POU2AF1: variants seen among roughly 807,000 people sequenced by gnomAD.
POU2AF1 encodes the protein POU class 2 homeobox associating factor 1, also known as POU domain class 2-associating factor 1.
Under a neutral mutation model 26.3 loss-of-function variants are expected in POU2AF1, and 12 were observed. The ratio of observed to expected loss-of-function variants is 0.46; its 90% CI spans 0.29 to 0.74. The LOEUF (loss-of-function observed/expected upper bound fraction) is 0.74. POU2AF1 is among the 30% of genes least tolerant of loss of function. The probability of loss-of-function intolerance (pLI) is 0.09; values close to 1 mark genes in which losing one functional copy is unlikely to be tolerated. For synonymous variants in POU2AF1, 175 were observed against 148.0 expected (o/e 1.18, Z -1.32); for missense variants, 297 against 334.5 (o/e 0.89, Z 0.87).
At chr11:111,373,916 T>C (rs1292059520) in intron 1 of POU2AF1, among the ~76,000 whole-genome samples, 1 of 152,202 alleles carries the variant, frequency 6.6e-6, no homozygotes, top group Non-Finnish European at 1.5e-5. Context: ...ATGTTCATAA[T>C]CAATTAGCCA....
At chr11:111,377,184 C>T (rs1861324127) in intron 1 of POU2AF1, among the ~76,000 whole-genome samples, 1 of 143,430 alleles carries the variant, frequency 7.0e-6, no homozygotes, top group Admixed American at 7.1e-5. Flanking sequence ...CCAGGCTGAA[C>T]AACATAGTAA....
At chr11:111,354,682 C>T in intron 4 of POU2AF1, 107 bp from the exon 5 acceptor site, 1 of 1,038,246 alleles carries the variant, frequency 9.6e-7, no homozygotes, top group Non-Finnish European at 1.3e-6. Flanking sequence ...CTGCCCTTTC[C>T]TGGTTTCTCA....
intron 1 of POU2AF1, among the ~76,000 whole-genome samples, chr11:111,370,333 C>T (rs1270977196): frequency 6.6e-6 from 1 of 152,210 alleles, no homozygotes; most frequent in Non-Finnish European, 1.5e-5. Context: ...TTTACCTCCT[C>T]TTTATTCACA....
At chr11:111,377,269 A>G (rs2135143441) in intron 1 of POU2AF1, among the ~76,000 whole-genome samples, 1 of 151,724 alleles carries the variant, frequency 6.6e-6, no homozygotes, top group Admixed American at 6.6e-5. Context: ...AGTCCCAGCT[A>G]CTAGGGAGGG....
At chr11:111,359,847 G>T (rs543600989) in intron 1 of POU2AF1, 11 of 469,986 alleles carry the variant, frequency 2.3e-5, no homozygotes, top group African/African-American at 2.2e-4. Flanking sequence ...TTGATTAATC[G>T]ATTGGGTGAT....
At chr11:111,367,019 G>A (rs942740877) in intron 1 of POU2AF1, among the ~76,000 whole-genome samples, 1 of 152,188 alleles carries the variant, frequency 6.6e-6, no homozygotes, top group African/African-American at 2.4e-5. Context: ...TACTTGGATT[G>A]TCCCTAAACT....
At chr11:111,370,379 G>T (rs1331673321) in intron 1 of POU2AF1, among the ~76,000 whole-genome samples, 1 of 152,190 alleles carries the variant, frequency 6.6e-6, no homozygotes, top group Non-Finnish European at 1.5e-5. Context: ...AGTCTTCACA[G>T]CTTCAGAGCT....
chr11:111,369,210 C>G (rs931623531), intron 1 of POU2AF1, among the ~76,000 whole-genome samples: 1 of 152,150 alleles, frequency 6.6e-6, no homozygotes, highest in Non-Finnish European at 1.5e-5. Flanking sequence ...ACAGGAGACG[C>G]CAAACCCTGG....
chr11:111,367,554 G>T (rs1861128108), intron 1 of POU2AF1, among the ~76,000 whole-genome samples: 1 of 152,106 alleles, frequency 6.6e-6, no homozygotes. Context: ...CTCCACTTCT[G>T]CCTCACTGCC....
chr11:111,360,363 A>G (rs779413074), intron 1 of POU2AF1, among the ~76,000 whole-genome samples: 1 of 152,200 alleles, frequency 6.6e-6, no homozygotes, highest in East Asian at 1.9e-4. Context: ...AACTTTGCTC[A>G]GTAAATACCC....
chr11:111,377,589 A>G lies in POU2AF1; in HGVS notation c.16+1573T>C, dbSNP rs566949496. On this transcript the variant is annotated intron_variant, in intron 1 of 4. Coordinates refer to ENST00000393067, the MANE Select transcript of POU2AF1 (RefSeq NM_006235.3). Reference sequence around the variant, plus strand: ...AGGATAGATCCTCAGTGTGGATATGATTTTTACCCCCACTTAACATACAAA... The same window carrying G: ...AGGATAGATCCTCAGTGTGGATATGGTTTTTACCCCCACTTAACATACAAA... 1.4e-4 allele frequency among the ~76,000 whole-genome samples: 21 copies of G among 152,286 alleles called. No individual in the cohort carries two copies. The South Asian group carries it at 4.4e-3, about 32-fold the overall frequency.
At position 111,368,254 on chromosome 11, in the gene POU2AF1, A is replaced by T. The variant is rs535491527; in HGVS notation, c.17-9336T>A. Among the ~76,000 whole-genome samples, 4 of 152,180 alleles carry T rather than the reference A, an allele frequency of 2.6e-5. No individual in the cohort carries two copies. The East Asian group carries it at 7.7e-4, about 29-fold the overall frequency. On this transcript the variant is annotated intron_variant, in intron 1 of 4. Coordinates refer to ENST00000393067, the MANE Select transcript of POU2AF1 (RefSeq NM_006235.3). ...AAACTGGGGCCCCAAGTCTGTAGAG[A>T]CTGTATAGAGGTGAGTGCAAGAGAT... is the stretch of plus-strand genomic sequence containing the variant.
intron 1 of POU2AF1, among the ~76,000 whole-genome samples, chr11:111,375,621 G>C (rs935795120): frequency 2.0e-5 from 3 of 151,880 alleles, no homozygotes; most frequent in African/African-American, 4.8e-5. Flanking sequence ...GGATGGTCTC[G>C]ATCTCCTGAC....
rs928875196 is a variant in POU2AF1, at chr11:111,353,105, C to T, written c.*1156G>A. ...ACTAAGCCTAGGCGAGGACCCATCA[C>T]CTTTAGGCTTAATGGGGTCTTGGCC... is the stretch of plus-strand genomic sequence containing the variant. On this transcript the variant is annotated 3_prime_UTR_variant, in exon 5 of 5. Coordinates refer to ENST00000393067, the MANE Select transcript of POU2AF1 (RefSeq NM_006235.3). 1.7e-5 allele frequency: 4 copies of T among 229,634 alleles called. No individual in the cohort carries two copies. Among genetic ancestry groups the T allele is most frequent in the African/African-American group, 8.9e-5 (4 of 45,044 alleles). 14.2% of individuals were successfully genotyped at this position (229,634 alleles called of 1,614,324 possible).
At chr11:111,370,495 G>A (rs1354546603) in intron 1 of POU2AF1, among the ~76,000 whole-genome samples, 2 of 152,176 alleles carry the variant, frequency 1.3e-5, no homozygotes, top group South Asian at 4.1e-4. Flanking sequence ...AGGTCAGGGG[G>A]ATCCAGCTGT....
intron 1 of POU2AF1, among the ~76,000 whole-genome samples, chr11:111,374,116 ATTTTTTT>A (rs60260380): frequency 2.7e-5 from 3 of 109,648 alleles, no homozygotes; most frequent in African/African-American, 6.5e-5. Context: ...GGCAAACTTG[ATTTTTTT>A]TTTTTTTTTT....
At position 111,352,899 on chromosome 11, in the gene POU2AF1, C is replaced by T. The variant is rs538945332; in HGVS notation, c.*1362G>A. 18 of 176,836 alleles carry T rather than the reference C, an allele frequency of 1.0e-4. No individual in the cohort carries two copies. The highest frequency in any genetic ancestry group is 3.8e-4 in the African/African-American group (16 of 42,080). 11.0% of individuals were successfully genotyped at this position (176,836 alleles called of 1,614,324 possible). ...AGTGAGCCAAGATCGCACCATTGTA[C>T]TCCAGCCTGGGCAATGGAGTGAGAC... On this transcript the variant is annotated 3_prime_UTR_variant, in exon 5 of 5. Transcript: ENST00000393067.
At chr11:111,375,390 C>CTTTTTTTTTTTTTTT (rs869115956) in intron 1 of POU2AF1, among the ~76,000 whole-genome samples, 1 of 79,488 alleles carries the variant, frequency 1.3e-5, no homozygotes, top group Non-Finnish European at 2.2e-5. Flanking sequence ...TACTGAGTAT[C>CTTTTTTTTTTTTTTT]TTTTTTTTTT....
At chr11:111,370,329 T>A (rs4405350) in intron 1 of POU2AF1, among the ~76,000 whole-genome samples, 4 of 152,176 alleles carry the variant, frequency 2.6e-5, no homozygotes, top group Non-Finnish European at 4.4e-5. Flanking sequence ...GGAATTTACC[T>A]CCTCTTTATT....
Sources: gnomAD v4.1 joint callset for allele counts (sites outside exome capture counted in the v4.1 genomes callset) on GRCh38, gnomAD v4.1.1 for gene constraint, MANE v1.5 for transcripts, NCBI Gene and HGNC (gene_info 2026-07-23, HGNC 2026-07-21) for gene names.